ADAMTS15: variants seen among roughly 807,000 people sequenced by gnomAD.
ADAMTS15 encodes A disintegrin and metalloproteinase with thrombospondin motifs 15.
A neutral mutation model predicts 79.1 loss-of-function variants in ADAMTS15; 35 were observed. The ratio of observed to expected loss-of-function variants is 0.44; its 90% CI spans 0.34 to 0.59. The LOEUF is 0.59. Among genes scored for constraint, ADAMTS15 ranks in the 20% least tolerant of loss-of-function variants. ADAMTS15 has a pLI of 0.02. For synonymous variants in ADAMTS15, 616 were observed against 567.3 expected, an observed-to-expected ratio of 1.09 and a Z score of -1.22; for missense variants, 1,324 against 1,318.7, an observed-to-expected ratio of 1.00 and a Z score of -0.06.
Position 130,474,247 on chromosome 11 carries a change from T to C in ADAMTS15, c.*426T>C. On this transcript the variant is annotated 3_prime_UTR_variant, in exon 8 of 8. Coordinates refer to ENST00000299164, the MANE Select transcript of ADAMTS15 (RefSeq NM_139055.4). Reference sequence around the variant, plus strand: ...GGCCCCATGGGCTCTGAGCCGTGTCTGAACGAGGCAGGGTTTTCACGGTGC... The same window carrying C: ...GGCCCCATGGGCTCTGAGCCGTGTCCGAACGAGGCAGGGTTTTCACGGTGC... 1 of 176,934 alleles carries C rather than the reference T, an allele frequency of 5.7e-6. No homozygotes were observed. Among genetic ancestry groups the C allele is most frequent in the Non-Finnish European group, 1.2e-5 (1 of 84,122 alleles). The allele number at this position is 176,934 out of a possible 1,614,324, so 11.0% of individuals were successfully genotyped here.
Position 130,473,091 on chromosome 11 carries a change from G to A in ADAMTS15, c.2123G>A (p.Ser708Asn). The stretch of plus-strand genomic sequence containing the variant: ...GTGGCCATCCCCGCAGGCGCCTCAA[G>A]CATCGACATCCGCCAGCGCGGTTAC... ...FVVAIPAGAS[S>N]IDIRQRGYKG... Residue 708 changes from serine to asparagine, a missense_variant, in exon 8 of 8, where the codon AGC (serine) becomes AAC (asparagine). Coordinates refer to ENST00000299164, the MANE Select transcript of ADAMTS15 (RefSeq NM_139055.4). The A allele has an allele frequency of 6.2e-7, 1 of 1,613,940 alleles. No homozygotes were observed. Among genetic ancestry groups the A allele is most frequent in the Non-Finnish European group, 8.5e-7 (1 of 1,180,036 alleles).
At chr11:130,464,061 A>G (rs1195734251) in intron 4 of ADAMTS15, among the ~76,000 whole-genome samples, 1 of 152,154 alleles carries the variant, frequency 6.6e-6, no homozygotes, top group East Asian at 1.9e-4. Context: ...AGTGAGCTGC[A>G]GGGCTGTGTA....
chr11:130,470,992 C>T lies in ADAMTS15; in HGVS notation c.1793C>T (p.Thr598Ile). 1 of 1,613,876 alleles carries T rather than the reference C, an allele frequency of 6.2e-7. No homozygotes were observed. ...NGYNHSTNRL[T>I]LAVAWVPKYS... is the part of the protein sequence containing the mutation. ...TACAACCACAGCACCAACCGGCTCACTCTCGCCGTGGCATGGGTGCCCAAG... is the reference window on the plus strand; with the variant it reads ...TACAACCACAGCACCAACCGGCTCATTCTCGCCGTGGCATGGGTGCCCAAG... The change falls in exon 6 of 8, where the codon ACT (threonine) becomes ATT (isoleucine). Residue 598 changes from threonine to isoleucine, a missense_variant. By Grantham distance (89) the Thr-to-Ile change is moderately conservative (BLOSUM62 -1). Coordinates refer to ENST00000299164, the MANE Select transcript of ADAMTS15 (RefSeq NM_139055.4).
rs375628633 is a variant in ADAMTS15 at position 130,462,285 on chromosome 11, C to T, written c.1258+31C>T. The T allele has an allele frequency of 1.9e-6, 3 of 1,589,002 alleles. No homozygotes were observed. Among genetic ancestry groups the T allele is most frequent in the African/African-American group, 2.7e-5 (2 of 74,690 alleles). On this transcript the variant is annotated intron_variant, in intron 3 of 7. Transcript: ENST00000299164. This position sits in a 1 kb window ranked among gnomAD's most constrained non-coding sequence, Gnocchi z 4.3. ...CCAGGACGGCGGGAGGGCAATGAGG[C>T]CGCCTCGGAGGGGGCTTTGCTGCTG...
rs1938528056 is a variant in ADAMTS15 at position 130,474,125 on chromosome 11, G to A, written c.*304G>A. On this transcript the variant is annotated 3_prime_UTR_variant, in exon 8 of 8. Transcript: ENST00000299164. ...CAGTTTCCAAGGAACTTGGAGGATG[G>A]GCACCTTCCAGGCAGAACTTCAGGG... The A allele has an allele frequency of 6.3e-6, 2 of 319,946 alleles. No homozygotes were observed. Among genetic ancestry groups the A allele is most frequent in the Non-Finnish European group, 1.1e-5 (2 of 175,152 alleles). 19.8% of individuals were successfully genotyped at this position (319,946 alleles called of 1,614,324 possible).
chr11:130,467,021 C>T (rs969427946), intron 4 of ADAMTS15, among the ~76,000 whole-genome samples: 3 of 152,148 alleles, frequency 2.0e-5, no homozygotes, highest in African/African-American at 7.2e-5. Flanking sequence ...GTCTGTCTCC[C>T]CACTAGGGAG....
Position 130,471,291 on chromosome 11 carries a change from C to T in ADAMTS15, c.1986C>T (p.Asn662=). The T allele has an allele frequency of 6.2e-7, 1 of 1,613,192 alleles. No individual in the cohort carries two copies. Among genetic ancestry groups the T allele is most frequent in the Non-Finnish European group, 8.5e-7 (1 of 1,179,822 alleles). ...GKCIKAGCDG[N]LGSKKRFDKC... ...GCATCAAGGCTGGCTGTGATGGGAA[C>T]CTGGGCTCCAAGAAGAGATTCGACA... is the stretch of plus-strand genomic sequence containing the variant. Residue 662 remains asparagine (N), a synonymous_variant, in exon 7 of 8, where the codon AAC becomes AAT. Transcript: ENST00000299164.
intron 1 of ADAMTS15, among the ~76,000 whole-genome samples, chr11:130,456,145 C>G (rs1484194282): frequency 4.6e-5 from 7 of 152,216 alleles, no homozygotes; most frequent in Admixed American, 6.5e-5. Flanking sequence ...ATGGCATCTT[C>G]TTCCTACAGC....
chr11:130,470,212 A>ATATATATATATATATATATATATATGTG (rs1938422915), intron 5 of ADAMTS15, among the ~76,000 whole-genome samples: 1 of 52,280 alleles, frequency 1.9e-5, no homozygotes. Flanking sequence ...ATATATATGT[A>ATATATATATATATATATATATATATGTG]TATATATATA....
In ADAMTS15 at chr11:130,462,856, G is replaced by T; in HGVS notation, c.1542+76G>T. Reference sequence around the variant, plus strand: ...GACCCGGGGGCCTCGTCTGCCCTTGGTCTTCACCAGGAAGGTGCCTATCAC... The same window carrying T: ...GACCCGGGGGCCTCGTCTGCCCTTGTTCTTCACCAGGAAGGTGCCTATCAC... On this transcript the variant is annotated intron_variant, in intron 4 of 7. Coordinates refer to ENST00000299164, the MANE Select transcript of ADAMTS15 (RefSeq NM_139055.4). The surrounding 1 kb of genome is among the most constrained non-coding windows in gnomAD (Gnocchi z 4.3). The T allele has an allele frequency of 1.3e-6, 2 of 1,522,692 alleles. No individual in the cohort carries two copies. Among genetic ancestry groups the T allele is most frequent in the African/African-American group, 1.4e-5 (1 of 72,720 alleles). 94.3% of individuals were successfully genotyped at this position (1,522,692 alleles called of 1,614,324 possible).
At position 130,473,778 on chromosome 11, in the gene ADAMTS15, G is replaced by A. The variant is rs1221223129; in HGVS notation, c.2810G>A (p.Arg937His). 3 of 1,598,774 alleles carry A rather than the reference G, an allele frequency of 1.9e-6. No individual in the cohort carries two copies. The highest frequency in any genetic ancestry group is 1.7e-5 in the Admixed American group (1 of 59,988). Reference protein sequence around the residue: ...LLARDQCNLHRKPQELDFCVL... With the variant: ...LLARDQCNLHHKPQELDFCVL... ...GCCCGGGACCAGTGCAACTTGCACCGCAAGCCCCAGGAGCTGGACTTCTGC... is the reference window on the plus strand; with the variant it reads ...GCCCGGGACCAGTGCAACTTGCACCACAAGCCCCAGGAGCTGGACTTCTGC... Residue 937 changes from arginine (R) to histidine (H), a missense_variant, in exon 8 of 8, where the codon CGC (arginine) becomes CAC (histidine). Arg to His is a conservative substitution (Grantham distance 29). Transcript: ENST00000299164.
rs777774909 is a variant in ADAMTS15, at chr11:130,462,068, C to G, written c.1091-19C>G. On this transcript the variant is annotated intron_variant, in intron 2 of 7. Transcript: ENST00000299164. The surrounding 1 kb of genome is among the most constrained non-coding windows in gnomAD (Gnocchi z 4.3). ...TGTCCTTCCTCCTGCCCTCTCAGTC[C>G]TCTTGCCTTACCCCACAGGCCACGT... The G allele has an allele frequency of 1.7e-5, 27 of 1,606,616 alleles. No homozygotes were observed. Among genetic ancestry groups the G allele is most frequent in the Non-Finnish European group, 1.9e-5 (22 of 1,175,096 alleles).
At position 130,469,292 on chromosome 11, in the gene ADAMTS15, T is replaced by A; in HGVS notation, c.1573T>A (p.Tyr525Asn). Residue 525 changes from tyrosine to asparagine, a missense_variant, in exon 5 of 8, where the codon TAT becomes AAT. By Grantham distance (143) the Tyr-to-Asn change is moderately radical. Transcript: ENST00000299164. The stretch of plus-strand genomic sequence containing the variant: ...TGGTTCCTGGGCCAAATGGGATCCC[T>A]ATGGCCCCTGCTCGCGCACATGTGG... ...VDGSWAKWDP[Y>N]GPCSRTCGGG... is the part of the protein sequence containing the mutation. The A allele has an allele frequency of 7.1e-7, 1 of 1,402,298 alleles. No homozygotes were observed. The allele number at this position is 1,402,298 out of a possible 1,614,324, so 86.9% of individuals were successfully genotyped here.
At chr11:130,470,878 T>C in intron 5 of ADAMTS15, 42 bp from the exon 6 acceptor site, 1 of 1,590,256 alleles carries the variant, frequency 6.3e-7, no homozygotes, top group Non-Finnish European at 8.6e-7. Context: ...ACCGGCCTTG[T>C]CCCTTCCCCT....
intron 1 of ADAMTS15, among the ~76,000 whole-genome samples, chr11:130,460,860 T>C (rs1056648996): frequency 6.6e-6 from 1 of 152,182 alleles, no homozygotes; most frequent in Non-Finnish European, 1.5e-5. Context: ...CATGTATCTT[T>C]CTTCCTAGCA....
At chr11:130,464,831 G>T (rs1283152740) in intron 4 of ADAMTS15, among the ~76,000 whole-genome samples, 3 of 152,054 alleles carry the variant, frequency 2.0e-5, no homozygotes, top group Non-Finnish European at 4.4e-5. Context: ...GTGGGATGTG[G>T]TGGCAGATGC....
chr11:130,464,957 A>G lies in ADAMTS15; in HGVS notation c.1542+2177A>G, dbSNP rs556549145. On this transcript the variant is annotated intron_variant, in intron 4 of 7. Coordinates refer to ENST00000299164, the MANE Select transcript of ADAMTS15 (RefSeq NM_139055.4). ...ACTCCAGCCTGGGTGACAGAGTGAGATCCCATCTCAAGGAAAAAAAAAAAA... is the reference window on the plus strand; with the variant it reads ...ACTCCAGCCTGGGTGACAGAGTGAGGTCCCATCTCAAGGAAAAAAAAAAAA... Among the ~76,000 whole-genome samples, 5 of 148,400 alleles carry G rather than the reference A, an allele frequency of 3.4e-5. No individual in the cohort carries two copies. In the South Asian group the frequency reaches 1.1e-3, roughly 32 times the overall value.
chr11:130,455,748 A>G (rs10894202), intron 1 of ADAMTS15, among the ~76,000 whole-genome samples: 81,040 of 152,076 alleles, frequency 0.53, 22,833 homozygotes, highest in African/African-American at 0.72. Flanking sequence ...TCAGCAGACA[A>G]GGTGCATGGC....
chr11:130,473,477 G>GACAGGC lies in ADAMTS15; in HGVS notation c.2510_2515dup (p.Arg838_Pro839insHisArg). 1 of 1,611,884 alleles carries GACAGGC rather than the reference G, an allele frequency of 6.2e-7. No individual in the cohort carries two copies. Among genetic ancestry groups the GACAGGC allele is most frequent in the Non-Finnish European group, 8.5e-7 (1 of 1,179,364 alleles). ...CTCCAACCAGGTGGAGCAGCCGGAC[G>GACAGGC]ACAGGCCCCCTGCACGCTGGGTGGC... On this transcript the variant is annotated inframe_insertion, in exon 8 of 8. Transcript: ENST00000299164.
Sources: gnomAD v4.1 joint callset for allele counts (sites outside exome capture counted in the v4.1 genomes callset) on GRCh38, gnomAD v4.1.1 for gene constraint, Gnocchi (gnomAD v3.1) non-coding constraint, MANE v1.5 for transcripts, NCBI Gene and HGNC (gene_info 2026-07-23, HGNC 2026-07-21) for gene names.